The following CLASRP variants were observed in gnomAD, a reference collection of about 807,000 sequenced individuals.
The protein encoded by CLASRP is CLK4 associating serine/arginine rich protein, also known as CLK4-associating serine/arginine rich protein.
In CLASRP, 52 loss-of-function variants were observed where a neutral mutation model predicts 99.9. The ratio of observed to expected loss-of-function variants is 0.52; its 90% CI spans 0.42 to 0.66. CLASRP has a LOEUF of 0.66. Among genes scored for constraint, CLASRP ranks in the 30% least tolerant of loss-of-function variants. The pLI is 0.00. For missense variants in CLASRP, 848 were observed against 999.2 expected (o/e 0.85, Z 2.04); for synonymous variants, 379 against 373.0 (o/e 1.02, Z -0.18).
chr19:45,064,240 C>CT lies in CLASRP; in HGVS notation c.1121+13_1121+14insT. On this transcript the variant is annotated intron_variant, in intron 12 of 20. Coordinates refer to ENST00000221455, the MANE Select transcript of CLASRP (RefSeq NM_007056.3). Reference sequence around the variant, plus strand: ...ATGCCAGCGCCCGGTCGGTAACGCTCACGCCGCCCGCCCTACGCCCCGGTC... The same window carrying CT: ...ATGCCAGCGCCCGGTCGGTAACGCTCTACGCCGCCCGCCCTACGCCCCGGTC... The CT allele has an allele frequency of 6.4e-7, 1 of 1,572,066 alleles. No homozygotes were observed. The highest frequency in any genetic ancestry group is 8.6e-7 in the Non-Finnish European group (1 of 1,161,126).
chr19:45,067,646 G>A lies in CLASRP; in HGVS notation c.1667+52G>A. 2.0e-6 allele frequency: 3 copies of A among 1,488,594 alleles called. No individual in the cohort carries two copies. Among genetic ancestry groups the A allele is most frequent in the Non-Finnish European group, 2.7e-6 (3 of 1,098,636 alleles). The allele number at this position is 1,488,594 out of a possible 1,614,324, so 92.2% of individuals were successfully genotyped here. A position where few individuals can be genotyped will look rare whatever the true frequency, so the allele number is the denominator to read the frequency against. ...GGGCTGCCAATCTCGGGTGGGGAGG[G>A]TGAACATCACTGTTTTCTTTTTGAG... On this transcript the variant is annotated intron_variant, in intron 14 of 20. Transcript: ENST00000221455. The surrounding 1 kb of genome is among the most constrained non-coding windows in gnomAD (Gnocchi z 4.9).
At position 45,067,970 on chromosome 19, in the gene CLASRP, C is replaced by T. The variant is rs371134228; in HGVS notation, c.1668-45C>T. ...GGCTGGGGTCAGAGGTGGCAGCTGC[C>T]CTTTCCCCCTCCCAACCATGTCCTC... On this transcript the variant is annotated intron_variant, in intron 14 of 20. Transcript: ENST00000221455. This position sits in a 1 kb window ranked among gnomAD's most constrained non-coding sequence, Gnocchi z 4.9. 6.9e-7 allele frequency: 1 copy of T among 1,442,642 alleles called. No homozygotes were observed. Among genetic ancestry groups the T allele is most frequent in the Admixed American group, 1.7e-5 (1 of 59,724 alleles). The allele number at this position is 1,442,642 out of a possible 1,614,324, so 89.4% of individuals were successfully genotyped here.
intron 7 of CLASRP, 71 bp downstream of exon 7, chr19:45,057,969 C>G (rs1208153797): frequency 6.3e-7 from 1 of 1,582,436 alleles, no homozygotes; most frequent in Non-Finnish European, 8.6e-7. Flanking sequence ...CCCTCACCCT[C>G]TGTGGGGCAC....
In CLASRP at chr19:45,068,479, G is replaced by A. The variant is rs1354454521; in HGVS notation, c.1767G>A (p.Gln589=). Residue 589 remains glutamine, a splice_region_variant and synonymous_variant, in exon 16 of 21, where the codon CAG becomes CAA. Coordinates refer to ENST00000221455, the MANE Select transcript of CLASRP (RefSeq NM_007056.3). ...KLRMQKALNR[Q]FKADKKAAQE... is the part of the protein sequence containing the mutation. ...GGATGCAGAAGGCGCTGAACAGGCAGTGTATGTTCTGCCCTGTCCCTCCAG... is the reference window on the plus strand; with the variant it reads ...GGATGCAGAAGGCGCTGAACAGGCAATGTATGTTCTGCCCTGTCCCTCCAG... 3.7e-6 allele frequency: 6 copies of A among 1,608,890 alleles called. No individual in the cohort carries two copies. In the Admixed American group the frequency reaches 5.0e-5, roughly 13 times the overall value.
At chr19:45,068,319 C>A (rs535292300) in intron 15 of CLASRP, 101 bp from the exon 16 acceptor site, 2 of 637,024 alleles carry the variant, frequency 3.1e-6, no homozygotes, top group Non-Finnish European at 5.7e-6. Context: ...TCTCCCCCCC[C>A]CACCCCCCCC....
chr19:45,042,947 G>A, intron 2 of CLASRP, among the ~76,000 whole-genome samples: 1 of 152,076 alleles, frequency 6.6e-6, no homozygotes, highest in East Asian at 1.9e-4. Flanking sequence ...TCTGCATACT[G>A]ACATGATGCC....
At chr19:45,043,843 C>G (rs1248758266) in intron 2 of CLASRP, among the ~76,000 whole-genome samples, 1 of 152,032 alleles carries the variant, frequency 6.6e-6, no homozygotes, top group Non-Finnish European at 1.5e-5. Context: ...AGTTGAGGCC[C>G]CAGAAGTGGC....
In CLASRP at chr19:45,057,770, C is replaced by T. The variant is rs1186153935; in HGVS notation, c.485C>T (p.Ser162Phe). The T allele has an allele frequency of 2.5e-6, 4 of 1,613,892 alleles. No homozygotes were observed. The highest frequency in any genetic ancestry group is 3.4e-6 in the Non-Finnish European group (4 of 1,179,942). ...CTCAGGCTGGCAGAGAAGAAGGCTTCCATCGGTTATACCTACGAGGACAGC... is the reference window on the plus strand; with the variant it reads ...CTCAGGCTGGCAGAGAAGAAGGCTTTCATCGGTTATACCTACGAGGACAGC... ...EKKKLAEKKA[S>F]IGYTYEDSTV... Residue 162 changes from serine to phenylalanine, a missense_variant, in exon 7 of 21, where the codon TCC becomes TTC. Ser to Phe is a radical substitution (Grantham distance 155). Around this residue, in one of 8 missense-constraint regions of CLASRP, gnomAD observed 119 missense variants for 170.2 expected, o/e 0.70. Transcript: ENST00000221455.
intron 13 of CLASRP, among the ~76,000 whole-genome samples, chr19:45,065,761 TG>T (rs2122603729): frequency 6.6e-6 from 1 of 152,166 alleles, no homozygotes; most frequent in East Asian, 1.9e-4. Flanking sequence ...CCTGCCTGAG[TG>T]TAGAGTCCCT....
intron 19 of CLASRP, among the ~76,000 whole-genome samples, 166 bp from the exon 20 acceptor site, chr19:45,070,371 G>T (rs1163070912): frequency 1.3e-5 from 2 of 152,146 alleles, no homozygotes; most frequent in Admixed American, 1.3e-4. Flanking sequence ...GCTCATTCCG[G>T]CATGGGCTGG....
At position 45,052,874 on chromosome 19, in the gene CLASRP, C is replaced by G. The variant is rs752451896; in HGVS notation, c.281C>G (p.Pro94Arg). The G allele has an allele frequency of 1.2e-6, 2 of 1,610,390 alleles. No homozygotes were observed. Among genetic ancestry groups the G allele is most frequent in the East Asian group, 4.5e-5 (2 of 44,854 alleles). Residue 94 changes from proline (P) to arginine (R), a missense_variant, in exon 4 of 21, where the codon CCC becomes CGC. Pro to Arg is a moderately radical substitution (Grantham distance 103, BLOSUM62 -2). Around this residue, in one of 8 missense-constraint regions of CLASRP, gnomAD observed 54 missense variants for 38.7 expected, o/e 1.39. Coordinates refer to ENST00000221455, the MANE Select transcript of CLASRP (RefSeq NM_007056.3). Reference protein sequence around the residue: ...AHLDHIPDYTPPLLTTISPEQ... With the variant: ...AHLDHIPDYTRPLLTTISPEQ... ...CTGGACCACATCCCCGACTACACCC[C>G]CCCTCTGCTCACCACCATGTAAGCC...
intron 13 of CLASRP, among the ~76,000 whole-genome samples, chr19:45,066,329 A>G (rs1012960884): frequency 9.2e-5 from 14 of 152,114 alleles, no homozygotes; most frequent in African/African-American, 3.1e-4. Context: ...TGTGTTGGCC[A>G]GGCTGGTCTT....
chr19:45,053,267 C>T, intron 5 of CLASRP, 90 bp downstream of exon 5: 1 of 1,318,764 alleles, frequency 7.6e-7, no homozygotes, highest in Non-Finnish European at 1.1e-6. Context: ...GTTTTATCCA[C>T]ATACTTTCTA....
intron 2 of CLASRP, among the ~76,000 whole-genome samples, chr19:45,044,282 G>A (rs191348114): frequency 6.6e-6 from 1 of 152,238 alleles, no homozygotes; most frequent in African/African-American, 2.4e-5. Context: ...TATTGATCAT[G>A]CCTGTGTTAA....
chr19:45,040,356 G>T, intron 2 of CLASRP, 45 bp downstream of exon 2: 1 of 1,384,920 alleles, frequency 7.2e-7, no homozygotes, highest in South Asian at 1.2e-5. Flanking sequence ...CCTGGGTTGG[G>T]GGGCACAGCT....
At chr19:45,064,313 G>C in intron 12 of CLASRP, 30 bp from the exon 13 acceptor site, 1 of 1,515,636 alleles carries the variant, frequency 6.6e-7, no homozygotes, top group Non-Finnish European at 8.8e-7. Context: ...TCAGGCCTGC[G>C]CTGACCGGCC....
chr19:45,041,450 C>A (rs193066402), intron 2 of CLASRP, among the ~76,000 whole-genome samples: 105 of 152,244 alleles, frequency 6.9e-4, no homozygotes, highest in African/African-American at 2.3e-3. Flanking sequence ...TATTACCCCC[C>A]CTCACCTATT....
chr19:45,045,156 T>C (rs2085609843), intron 2 of CLASRP, among the ~76,000 whole-genome samples: 1 of 152,190 alleles, frequency 6.6e-6, no homozygotes, highest in Admixed American at 6.5e-5. Flanking sequence ...GGCCATCATG[T>C]CTTCATTCTA....
chr19:45,056,603 C>T (rs1052782344), intron 6 of CLASRP, 69 bp downstream of exon 6: 6 of 1,230,568 alleles, frequency 4.9e-6, no homozygotes, highest in Non-Finnish European at 2.4e-6. Context: ...CAGGCATGGC[C>T]TCTTCCATCC....
Sources: gnomAD v4.1 joint callset for allele counts (sites outside exome capture counted in the v4.1 genomes callset) on GRCh38, gnomAD v4.1.1 for gene constraint, gnomAD v4.1.1 regional missense constraint, Gnocchi (gnomAD v3.1) non-coding constraint, MANE v1.5 for transcripts, NCBI Gene and HGNC (gene_info 2026-07-23, HGNC 2026-07-21) for gene names.